The following PIK3CB variants were observed in gnomAD, a reference collection of about 807,000 sequenced individuals.
PIK3CB encodes phosphatidylinositol-4,5-bisphosphate 3-kinase catalytic subunit beta, also known as phosphatidylinositol 4,5-bisphosphate 3-kinase catalytic subunit beta isoform.
In PIK3CB, 39 loss-of-function variants were observed where a neutral mutation model predicts 136.8. That is an observed-to-expected ratio of 0.29 (90% CI 0.22 to 0.37). The LOEUF (loss-of-function observed/expected upper bound fraction) is 0.37, where lower values mean the gene tolerates loss of function less well. Ranked by LOEUF, PIK3CB falls within the 10% of genes least tolerant of loss-of-function variation. The pLI is 1.00. For synonymous variants in PIK3CB, 428 were observed against 436.6 expected, an observed-to-expected ratio of 0.98 and a Z score of 0.25; for missense variants, 868 against 1,275.4, an observed-to-expected ratio of 0.68 and a Z score of 4.87.
chr3:138,788,861 G>A (rs1167990667), intron 2 of PIK3CB, among the ~76,000 whole-genome samples: 1 of 145,502 alleles, frequency 6.9e-6, no homozygotes. Context: ...CTACTAGGGA[G>A]GCTGAGGCAG....
chr3:138,827,975 G>A (rs1330550966), intron 1 of PIK3CB, among the ~76,000 whole-genome samples: 2 of 151,424 alleles, frequency 1.3e-5, no homozygotes, highest in Non-Finnish European at 2.9e-5. Context: ...GTGACAGAGC[G>A]AGACTCCGTC....
At chr3:138,776,922 CAA>C (rs11435742) in intron 2 of PIK3CB, among the ~76,000 whole-genome samples, 20 of 57,410 alleles carry the variant, frequency 3.5e-4, no homozygotes, top group African/African-American at 5.2e-4. Flanking sequence ...GACTCTACCT[CAA>C]AAAAAAAAAA....
intron 1 of PIK3CB, among the ~76,000 whole-genome samples, chr3:138,811,620 C>T (rs1933062846): frequency 6.6e-6 from 1 of 151,872 alleles, no homozygotes; most frequent in Non-Finnish European, 1.5e-5. Flanking sequence ...GAGACGGGGT[C>T]TCACCGTGTT....
intron 2 of PIK3CB, among the ~76,000 whole-genome samples, chr3:138,759,634 T>C (rs2045633823): frequency 6.6e-6 from 1 of 152,028 alleles, no homozygotes; most frequent in Non-Finnish European, 1.5e-5. Context: ...CTTATATACA[T>C]ATAAATAAAA....
chr3:138,815,821 T>C (rs1933299951), intron 1 of PIK3CB, among the ~76,000 whole-genome samples: 1 of 152,208 alleles, frequency 6.6e-6, no homozygotes, highest in African/African-American at 2.4e-5. Flanking sequence ...CAGGGAATCC[T>C]GAAACCAATC....
At chr3:138,831,880 T>TG (rs1934055653) in intron 1 of PIK3CB, among the ~76,000 whole-genome samples, 1 of 152,074 alleles carries the variant, frequency 6.6e-6, no homozygotes, top group Non-Finnish European at 1.5e-5. Context: ...GATCGTGCCA[T>TG]TGCACTCCAG....
At chr3:138,723,186 A>G (rs2044764644) in intron 8 of PIK3CB, among the ~76,000 whole-genome samples, 1 of 152,150 alleles carries the variant, frequency 6.6e-6, no homozygotes, top group Non-Finnish European at 1.5e-5. Flanking sequence ...AAATTGTCCC[A>G]TTTCCTGAAG....
rs192488855 is a variant in PIK3CB, at chr3:138,740,087, G to A, written c.622-2201C>T. 2.6e-5 allele frequency among the ~76,000 whole-genome samples: 4 copies of A among 151,898 alleles called. No homozygotes were observed. The East Asian group carries it at 7.8e-4, about 30-fold the overall frequency. The stretch of plus-strand genomic sequence containing the variant: ...AATTGTGAGAAACAGGCCAGGTGCA[G>A]TGGCTCACACCTGTAATCCCAGCAC... On this transcript the variant is annotated intron_variant, in intron 5 of 23. Coordinates refer to ENST00000674063, the MANE Select transcript of PIK3CB (RefSeq NM_006219.3).
chr3:138,801,414 C>T (rs1046878357), intron 1 of PIK3CB, among the ~76,000 whole-genome samples: 5 of 151,934 alleles, frequency 3.3e-5, no homozygotes, highest in African/African-American at 9.7e-5. Context: ...GTAAGAATGA[C>T]AGAATAGGTA....
At chr3:138,778,058 G>T in intron 2 of PIK3CB, 1 of 347,758 alleles carries the variant, frequency 2.9e-6, no homozygotes, top group South Asian at 2.2e-5. Context: ...CATTTTCTAG[G>T]AGCAAATTCC....
chr3:138,662,373 G>T (rs1212454776), intron 21 of PIK3CB, among the ~76,000 whole-genome samples: 4 of 147,580 alleles, frequency 2.7e-5, no homozygotes, highest in African/African-American at 1.0e-4. Context: ...TTGGTTTTTT[G>T]TCCTTGTGAT....
chr3:138,686,577 A>G lies in PIK3CB; in HGVS notation c.2137-1774T>C, dbSNP rs192573836. On this transcript the variant is annotated intron_variant, in intron 16 of 23. Coordinates refer to ENST00000674063, the MANE Select transcript of PIK3CB (RefSeq NM_006219.3). ...GCATAAAGAAGGAGCAGCTTATTTT[A>G]CAAGTATATCATTAAAACTGGAAAA... Among the ~76,000 whole-genome samples, 4 of 152,362 alleles carry G rather than the reference A, an allele frequency of 2.6e-5. No homozygotes were observed. In the East Asian group the frequency reaches 7.7e-4, roughly 29 times the overall value.
At chr3:138,781,604 C>A (rs1435305100) in intron 2 of PIK3CB, among the ~76,000 whole-genome samples, 1 of 152,102 alleles carries the variant, frequency 6.6e-6, no homozygotes, top group Non-Finnish European at 1.5e-5. Flanking sequence ...AGGTGCCCAC[C>A]ACCACGCCTG....
chr3:138,753,022 C>A (rs1351862155), intron 4 of PIK3CB, among the ~76,000 whole-genome samples: 1 of 152,008 alleles, frequency 6.6e-6, no homozygotes, highest in Non-Finnish European at 1.5e-5. Flanking sequence ...AGAAACTTGG[C>A]CCACATCCTG....
chr3:138,734,525 T>C, intron 7 of PIK3CB, 109 bp downstream of exon 7: 1 of 690,832 alleles, frequency 1.4e-6, no homozygotes, highest in Non-Finnish European at 2.3e-6. Flanking sequence ...AAATATGTAT[T>C]GGTTTTCACA....
At chr3:138,699,996 G>T (rs1241377772) in intron 12 of PIK3CB, among the ~76,000 whole-genome samples, 2 of 152,008 alleles carry the variant, frequency 1.3e-5, no homozygotes, top group African/African-American at 4.8e-5. Flanking sequence ...GAGCCCCGGA[G>T]TTCAAGAACA....
At chr3:138,700,005 C>T (rs1402804557) in intron 12 of PIK3CB, among the ~76,000 whole-genome samples, 2 of 151,924 alleles carry the variant, frequency 1.3e-5, no homozygotes, top group African/African-American at 4.8e-5. Flanking sequence ...AGTTCAAGAA[C>T]AGCCTGGGCA....
In PIK3CB at chr3:138,804,752, C is replaced by T. The variant is rs545385684; in HGVS notation, c.-121-8185G>A. Among the ~76,000 whole-genome samples, 14 of 152,200 alleles carry T rather than the reference C, an allele frequency of 9.2e-5. No homozygotes were observed. The East Asian group carries it at 1.5e-3, about 17-fold the overall frequency. ...TTAGAAAACTCAGTATGGCCGGGAA[C>T]GGTGGCTCACACCTGTAATCCCAGC... On this transcript the variant is annotated intron_variant, in intron 1 of 23. Coordinates refer to ENST00000674063, the MANE Select transcript of PIK3CB (RefSeq NM_006219.3).
chr3:138,766,098 T>C (rs917764543), intron 2 of PIK3CB, among the ~76,000 whole-genome samples: 3 of 152,196 alleles, frequency 2.0e-5, no homozygotes, highest in Admixed American at 1.3e-4. Flanking sequence ...GAGCATAAAA[T>C]GGATCTCACC....
Sources: allele counts gnomAD v4.1 joint callset (sites outside exome capture counted in the v4.1 genomes callset), GRCh38; gene constraint gnomAD v4.1.1; transcripts MANE v1.5; gene names NCBI Gene and HGNC (gene_info 2026-07-23, HGNC 2026-07-21).